HDAC4: variants seen among roughly 807,000 people sequenced by gnomAD.
HDAC4 encodes the protein histone deacetylase 4, also known as histone deacetylase A.
In HDAC4, 16 loss-of-function variants were observed where a neutral mutation model predicts 135.1. The ratio of observed to expected loss-of-function variants is 0.12; its 90% CI spans 0.08 to 0.18. The LOEUF (loss-of-function observed/expected upper bound fraction) is 0.18, where lower values mean the gene tolerates loss of function less well. Ranked by LOEUF, HDAC4 falls within the 10% of genes least tolerant of loss-of-function variation. The probability of loss-of-function intolerance (pLI) is 1.00; values close to 1 mark genes in which losing one functional copy is unlikely to be tolerated. For missense variants in HDAC4, 1,143 were observed against 1,511.8 expected (o/e 0.76, Z 4.05); for synonymous variants, 685 against 653.4 (o/e 1.05, Z -0.74).
At chr2:239,280,458 C>T (rs1425447608) in intron 2 of HDAC4, among the ~76,000 whole-genome samples, 1 of 152,190 alleles carries the variant, frequency 6.6e-6, no homozygotes, top group Non-Finnish European at 1.5e-5. Flanking sequence ...CGACTGGTCC[C>T]TCCGATGGGC....
intron 2 of HDAC4, among the ~76,000 whole-genome samples, chr2:239,310,385 A>G (rs1046979809): frequency 1.5e-4 from 23 of 152,288 alleles, no homozygotes; most frequent in African/African-American, 5.1e-4. Context: ...CAGATTCTGG[A>G]TTTTGCTCCC....
At chr2:239,094,852 G>A (rs1253812740) in intron 17 of HDAC4, 158 bp downstream of exon 17, 13 of 1,556,014 alleles carry the variant, frequency 8.4e-6, no homozygotes, top group South Asian at 6.9e-5. Context: ...AAACGCTCTC[G>A]GCTCACACGG....
chr2:239,190,043 G>A lies in HDAC4; in HGVS notation c.129C>T (p.Ala43=), dbSNP rs775323344. The change falls in exon 4 of 27, where the codon GCC becomes GCT. Residue 43 remains alanine, a synonymous_variant. Coordinates refer to ENST00000543185, the MANE Select transcript of HDAC4 (RefSeq NM_001378414.1). ...DVATALPLQV[A]PSAVPMDLRL... ...GCAGGTCCATGGGCACTGCCGAGGG[G>A]GCCACTTGCAGAGGCAGCGCCGTGG... 5.0e-6 allele frequency: 8 copies of A among 1,603,292 alleles called. No individual in the cohort carries two copies. In the Admixed American group the frequency reaches 1.2e-4, roughly 23 times the overall value.
intron 2 of HDAC4, among the ~76,000 whole-genome samples, chr2:239,284,836 C>G (rs551526771): frequency 6.6e-6 from 1 of 152,328 alleles, no homozygotes; most frequent in East Asian, 1.9e-4. Flanking sequence ...AGAGTCTGGG[C>G]TGCAGACTGG....
At chr2:239,183,485 C>A (rs2044286569) in intron 4 of HDAC4, among the ~76,000 whole-genome samples, 1 of 152,238 alleles carries the variant, frequency 6.6e-6, no homozygotes, top group African/African-American at 2.4e-5. Flanking sequence ...AGGTGCAGAC[C>A]AGCTGGGGTA....
intron 3 of HDAC4, among the ~76,000 whole-genome samples, chr2:239,234,249 T>C (rs138335633): frequency 9.5e-4 from 144 of 152,270 alleles, no homozygotes; most frequent in African/African-American, 3.3e-3. Context: ...TGCTACGTTA[T>C]TTAAAATTAC....
At chr2:239,219,942 C>T (rs2046857870) in intron 3 of HDAC4, among the ~76,000 whole-genome samples, 1 of 152,220 alleles carries the variant, frequency 6.6e-6, no homozygotes, top group South Asian at 2.1e-4. Context: ...ACACTCACGG[C>T]AGAGCAAACA....
intron 2 of HDAC4, among the ~76,000 whole-genome samples, chr2:239,302,503 C>T (rs1488906987): frequency 3.3e-5 from 5 of 152,244 alleles, no homozygotes; most frequent in African/African-American, 7.2e-5. Context: ...AACCTGGGGA[C>T]GGAACAGCTT....
intron 1 of HDAC4, among the ~76,000 whole-genome samples, chr2:239,392,143 G>A (rs747471650): frequency 3.3e-5 from 5 of 152,214 alleles, no homozygotes; most frequent in Admixed American, 1.3e-4. Context: ...GGATGGCAGC[G>A]GGCATGCACG....
At chr2:239,165,575 C>T (rs3791519) in intron 5 of HDAC4, among the ~76,000 whole-genome samples, 13,052 of 152,174 alleles carry the variant, frequency 0.086, 646 homozygotes, top group East Asian at 0.17. Flanking sequence ...ATATGCCAGC[C>T]CTGGCCTGGT....
chr2:239,130,332 T>G (rs1173247617), intron 11 of HDAC4, among the ~76,000 whole-genome samples: 1 of 152,160 alleles, frequency 6.6e-6, no homozygotes, highest in Non-Finnish European at 1.5e-5. Context: ...ACTCGCTGTT[T>G]TTTGGGGAAA....
intron 2 of HDAC4, among the ~76,000 whole-genome samples, chr2:239,259,698 T>C (rs2049241581): frequency 6.6e-6 from 1 of 152,072 alleles, no homozygotes; most frequent in Non-Finnish European, 1.5e-5. Context: ...AGAAAAGAGA[T>C]ATAGACCGAA....
Position 239,052,975 on chromosome 2 carries a change from G to T in HDAC4, c.*122C>A. ...AGGCTTCCCGTGGCTGTTGCACGCT[G>T]GGTGTCCCTGGGTGCTCCAAGAGAG... On this transcript the variant is annotated 3_prime_UTR_variant, in exon 27 of 27. Transcript: ENST00000543185. 2 of 1,169,988 alleles carry T rather than the reference G, an allele frequency of 1.7e-6. No homozygotes were observed. Among genetic ancestry groups the T allele is most frequent in the Non-Finnish European group, 2.6e-6 (2 of 777,000 alleles). The allele number at this position is 1,169,988 out of a possible 1,614,324, so 72.5% of individuals were successfully genotyped here. A position where few individuals can be genotyped will look rare whatever the true frequency, so the allele number is the denominator to read the frequency against.
At position 239,240,548 on chromosome 2, in the gene HDAC4, C is replaced by T. The variant is rs776631993; in HGVS notation, c.23-3884G>A. Reference sequence around the variant, plus strand: ...AGCAAAGTACCACTTCCTCATCACACGCCTGCTGCAAGCAGGTTCCCCCTT... The same window carrying T: ...AGCAAAGTACCACTTCCTCATCACATGCCTGCTGCAAGCAGGTTCCCCCTT... On this transcript the variant is annotated intron_variant, in intron 2 of 26. Transcript: ENST00000543185. The surrounding 1 kb of genome is among the most constrained non-coding windows in gnomAD (Gnocchi z 4.5). 7.9e-5 allele frequency among the ~76,000 whole-genome samples: 12 copies of T among 152,192 alleles called. No homozygotes were observed. The highest frequency in any genetic ancestry group is 2.6e-4 in the Admixed American group (4 of 15,284).
At chr2:239,148,348 G>A (rs778312506) in intron 7 of HDAC4, among the ~76,000 whole-genome samples, 2 of 152,164 alleles carry the variant, frequency 1.3e-5, no homozygotes, top group African/African-American at 2.4e-5. Flanking sequence ...TGCAAAGGTC[G>A]TACAACAAAT....
rs34204026 is a variant in HDAC4 at position 239,171,169 on chromosome 2, C to CA, written c.490+5243dup. Among the ~76,000 whole-genome samples, 709 of 114,332 alleles carry CA rather than the reference C, an allele frequency of 6.2e-3. 3 individuals are homozygous for CA. The highest frequency in any genetic ancestry group is 0.016 in the African/African-American group (472 of 29,928). The allele number at this position is 114,332 out of a possible 152,430, so 75.0% of individuals were successfully genotyped here. ...ACCATAGAAATAAACACAATCTGAC[C>CA]AAAAAAAAAAAAAAAAAAATGAGAG... On this transcript the variant is annotated intron_variant, in intron 5 of 26. Transcript: ENST00000543185.
At chr2:239,091,257 G>T (rs571374935) in intron 17 of HDAC4, 15 of 152,448 alleles carry the variant, frequency 9.8e-5, no homozygotes, top group African/African-American at 3.6e-4. Context: ...GTCTGGCCAG[G>T]GGAGGGAGGT....
At chr2:239,267,301 C>T (rs540461902) in intron 2 of HDAC4, among the ~76,000 whole-genome samples, 43 of 152,304 alleles carry the variant, frequency 2.8e-4, no homozygotes, top group African/African-American at 8.2e-4. Flanking sequence ...CATACCACAC[C>T]CGTCCATATC....
intron 2 of HDAC4, among the ~76,000 whole-genome samples, chr2:239,330,528 C>A (rs1306938483): frequency 6.6e-6 from 1 of 152,240 alleles, no homozygotes; most frequent in Non-Finnish European, 1.5e-5. Context: ...TCTTCTCCAC[C>A]AACACTGAAC....
Sources: allele counts gnomAD v4.1 joint callset (sites outside exome capture counted in the v4.1 genomes callset), GRCh38; gene constraint gnomAD v4.1.1; non-coding constraint Gnocchi (gnomAD v3.1); transcripts MANE v1.5; gene names NCBI Gene and HGNC (gene_info 2026-07-23, HGNC 2026-07-21).